The following PHF2 variants were observed in gnomAD, a reference collection of about 807,000 sequenced individuals.
PHF2 encodes the protein lysine-specific demethylase PHF2.
A neutral mutation model predicts 120.5 loss-of-function variants in PHF2; 27 were observed. That is an observed-to-expected ratio of 0.22 (90% CI 0.17 to 0.31). The LOEUF (loss-of-function observed/expected upper bound fraction) is 0.31, where lower values mean the gene tolerates loss of function less well. PHF2 is among the 10% of genes least tolerant of loss of function. The pLI, the probability that PHF2 is intolerant of heterozygous loss-of-function variation, is 1.00. For missense variants in PHF2, 1,024 were observed against 1,434.8 expected (o/e 0.71, Z 4.63); for synonymous variants, 568 against 592.5 (o/e 0.96, Z 0.60).
intron 1 of PHF2, among the ~76,000 whole-genome samples, chr9:93,611,805 G>A (rs1449366167): frequency 1.3e-5 from 2 of 152,210 alleles, no homozygotes; most frequent in Admixed American, 1.3e-4. Flanking sequence ...ATGAGCCACT[G>A]TGCCTCACCA....
chr9:93,576,762 C>A lies in PHF2; in HGVS notation c.-12C>A. ...GCAGCGGCGGGGCCGAGCGGCGGCGCGGCGCGGCAACATGGCGACGGTGCC... is the reference window on the plus strand; with the variant it reads ...GCAGCGGCGGGGCCGAGCGGCGGCGAGGCGCGGCAACATGGCGACGGTGCC... On this transcript the variant is annotated 5_prime_UTR_variant, in exon 1 of 22. Transcript: ENST00000359246. 8.3e-7 allele frequency: 1 copy of A among 1,205,774 alleles called. No homozygotes were observed. Among genetic ancestry groups the A allele is most frequent in the Non-Finnish European group, 1.1e-6 (1 of 941,554 alleles). 74.7% of individuals were successfully genotyped at this position (1,205,774 alleles called of 1,614,324 possible).
chr9:93,578,197 T>C (rs1342216159), intron 1 of PHF2, among the ~76,000 whole-genome samples: 2 of 152,124 alleles, frequency 1.3e-5, no homozygotes, highest in East Asian at 1.9e-4. Context: ...TCCTGAGTCC[T>C]ACCTCCCTGC....
At chr9:93,663,451 C>G (rs557047442) in intron 13 of PHF2, 66 bp from the exon 14 acceptor site, 6 of 957,314 alleles carry the variant, frequency 6.3e-6, no homozygotes, top group African/African-American at 1.6e-5. Context: ...CTCACTGACA[C>G]TAATTGGGGT....
At chr9:93,623,475 G>T (rs974713150) in intron 1 of PHF2, among the ~76,000 whole-genome samples, 13 of 152,166 alleles carry the variant, frequency 8.5e-5, no homozygotes, top group African/African-American at 2.7e-4. Flanking sequence ...ATAGTGCTAT[G>T]CCCTGGTCCT....
chr9:93,618,591 A>G (rs1298008260), intron 1 of PHF2, among the ~76,000 whole-genome samples: 1 of 152,248 alleles, frequency 6.6e-6, no homozygotes, highest in Non-Finnish European at 1.5e-5. Flanking sequence ...TACCATACGC[A>G]TTCTTCTAAA....
rs1826950798 is a variant in PHF2 at position 93,677,965 on chromosome 9, C to T, written c.*289C>T. The T allele has an allele frequency of 2.6e-6, 1 of 382,794 alleles. No homozygotes were observed. Among genetic ancestry groups the T allele is most frequent in the Non-Finnish European group, 4.7e-6 (1 of 211,252 alleles). The allele number at this position is 382,794 out of a possible 1,614,324, so 23.7% of individuals were successfully genotyped here. A position where few individuals can be genotyped will look rare whatever the true frequency, so the allele number is the denominator to read the frequency against. ...TTCCACTTTAAGGACAGCCTTCAGG[C>T]CCCCTGAGCGTGGGTGTGATTGCAG... On this transcript the variant is annotated 3_prime_UTR_variant, in exon 22 of 22. Coordinates refer to ENST00000359246, the MANE Select transcript of PHF2 (RefSeq NM_005392.4). This position sits in a 1 kb window ranked among gnomAD's most constrained non-coding sequence, Gnocchi z 4.4.
At chr9:93,615,463 G>A (rs1241436160) in intron 1 of PHF2, among the ~76,000 whole-genome samples, 2 of 152,186 alleles carry the variant, frequency 1.3e-5, no homozygotes, top group Non-Finnish European at 2.9e-5. Context: ...CCAGCTATGT[G>A]CCAGGCACTG....
intron 12 of PHF2, among the ~76,000 whole-genome samples, chr9:93,662,568 ATG>A (rs1564399342): frequency 3.1e-4 from 26 of 83,216 alleles, no homozygotes; most frequent in South Asian, 2.7e-3. Flanking sequence ...GGATGGATGG[ATG>A]GATGAACAAA....
At chr9:93,594,575 C>G (rs968091032) in intron 1 of PHF2, among the ~76,000 whole-genome samples, 23 of 152,192 alleles carry the variant, frequency 1.5e-4, no homozygotes, top group Non-Finnish European at 2.9e-4. Flanking sequence ...TGCAGAGGAC[C>G]CCACAGGCTG....
chr9:93,608,590 G>C (rs1825584153), intron 1 of PHF2, among the ~76,000 whole-genome samples: 3 of 152,016 alleles, frequency 2.0e-5, no homozygotes, highest in African/African-American at 7.2e-5. Flanking sequence ...TTATATTTTG[G>C]AAGGTTATTA....
At chr9:93,592,148 C>G (rs1408948407) in intron 1 of PHF2, among the ~76,000 whole-genome samples, 1 of 152,202 alleles carries the variant, frequency 6.6e-6, no homozygotes, top group East Asian at 1.9e-4. Context: ...CAGGGGCTCT[C>G]AGTGTGCACC....
At chr9:93,638,782 G>C (rs1011579831) in intron 3 of PHF2, among the ~76,000 whole-genome samples, 1 of 152,064 alleles carries the variant, frequency 6.6e-6, no homozygotes. Context: ...ACAGTAGCAC[G>C]ATCTTGGCTT....
At chr9:93,641,137 A>C (rs555155399) in intron 3 of PHF2, among the ~76,000 whole-genome samples, 10 of 152,092 alleles carry the variant, frequency 6.6e-5, no homozygotes, top group African/African-American at 2.2e-4. Flanking sequence ...CAGCCTTTTT[A>C]ATTTTTCTCT....
At position 93,645,307 on chromosome 9, in the gene PHF2, A is replaced by G. The variant is rs530638469; in HGVS notation, c.300-322A>G. ...CCCGGGTGCCGGTGGTTGGGGAGCG[A>G]CCTTGCTCAGGCCCAGGCGCCTCCT... On this transcript the variant is annotated intron_variant, in intron 3 of 21. Transcript: ENST00000359246. Among the ~76,000 whole-genome samples the G allele has an allele frequency of 2.2e-3, 337 of 152,116 alleles. 1 individual carries two copies. The highest frequency in any genetic ancestry group is 7.7e-3 in the African/African-American group (321 of 41,506).
intron 1 of PHF2, among the ~76,000 whole-genome samples, chr9:93,619,764 A>C (rs955964298): frequency 6.6e-6 from 1 of 152,196 alleles, no homozygotes; most frequent in African/African-American, 2.4e-5. Flanking sequence ...CTGTTGTCGC[A>C]GGAAGAAACT....
chr9:93,577,479 C>G (rs1342701456), intron 1 of PHF2, among the ~76,000 whole-genome samples: 2 of 152,066 alleles, frequency 1.3e-5, no homozygotes, highest in East Asian at 2.0e-4. Flanking sequence ...ACCTTGTCCC[C>G]GAGGGCAGGA....
At chr9:93,617,537 A>G (rs188386211) in intron 1 of PHF2, among the ~76,000 whole-genome samples, 3 of 152,172 alleles carry the variant, frequency 2.0e-5, no homozygotes, top group East Asian at 3.9e-4. Context: ...CTCTGGAAGC[A>G]TCTGAATTCT....
In PHF2 at chr9:93,636,511, C is replaced by G. The variant is rs1009621782; in HGVS notation, c.285C>G (p.Ser95Arg). The G allele has an allele frequency of 3.1e-6, 5 of 1,591,086 alleles. No homozygotes were observed. Among genetic ancestry groups the G allele is most frequent in the Non-Finnish European group, 4.3e-6 (5 of 1,169,030 alleles). ...AGCTCTTCATCAAGGAGCTGCGGAGCCGGACCTTTCCCAGGTGGGCTGGCC... is the reference window on the plus strand; with the variant it reads ...AGCTCTTCATCAAGGAGCTGCGGAGGCGGACCTTTCCCAGGTGGGCTGGCC... ...GSQLFIKELR[S>R]RTFPSAEDVV... is the part of the protein sequence containing the mutation. Residue 95 changes from serine (S) to arginine (R), a missense_variant, in exon 3 of 22, where the codon AGC (serine) becomes AGG (arginine). Around this residue, in one of 2 missense-constraint regions of PHF2, gnomAD observed 347 missense variants for 577.4 expected, o/e 0.60. Coordinates refer to ENST00000359246, the MANE Select transcript of PHF2 (RefSeq NM_005392.4).
At chr9:93,633,599 C>A (rs902994125) in intron 2 of PHF2, among the ~76,000 whole-genome samples, 3 of 152,184 alleles carry the variant, frequency 2.0e-5, no homozygotes, top group African/African-American at 7.2e-5. Flanking sequence ...GCAGGAGGGG[C>A]AGTAGACCTC....
Sources: allele counts gnomAD v4.1 joint callset (sites outside exome capture counted in the v4.1 genomes callset), GRCh38; gene constraint gnomAD v4.1.1; regional missense constraint gnomAD v4.1.1; non-coding constraint Gnocchi (gnomAD v3.1); transcripts MANE v1.5; gene names NCBI Gene and HGNC (gene_info 2026-07-23, HGNC 2026-07-21).